Variants in AUTS2 observed in about 807,000 individuals in gnomAD.
The protein encoded by AUTS2 is activator of transcription and developmental regulator AUTS2.
In AUTS2, 17 loss-of-function variants were observed where a neutral mutation model predicts 112.4. The observed-to-expected ratio is 0.15, with a 90% CI of 0.10 to 0.23. The LOEUF (loss-of-function observed/expected upper bound fraction) is 0.23, where lower values mean the gene tolerates loss of function less well. Among genes scored for constraint, AUTS2 ranks in the 10% least tolerant of loss-of-function variants. The pLI is 1.00. For synonymous variants in AUTS2, 751 were observed against 702.7 expected (o/e 1.07, Z -1.09); for missense variants, 1,510 against 1,701.6 (o/e 0.89, Z 1.98).
At chr7:70,615,565 CTTGTTG>C (rs57037063) in intron 5 of AUTS2, among the ~76,000 whole-genome samples, 14,610 of 148,510 alleles carry the variant, frequency 0.098, 848 homozygotes, top group Middle Eastern at 0.2. Context: ...AGATTTATGG[CTTGTTG>C]TTGTTGTTGT....
intron 2 of AUTS2, among the ~76,000 whole-genome samples, chr7:70,094,639 A>G (rs1413014410): frequency 6.6e-6 from 1 of 152,186 alleles, no homozygotes; most frequent in East Asian, 1.9e-4. Flanking sequence ...GAATTTTATT[A>G]TGATCCATAA....
chr7:69,754,339 G>A (rs1413181822), intron 1 of AUTS2, among the ~76,000 whole-genome samples: 1 of 152,192 alleles, frequency 6.6e-6, no homozygotes, highest in Non-Finnish European at 1.5e-5. Flanking sequence ...GAGGTAGGAA[G>A]TAAAAGTTTC....
intron 5 of AUTS2, among the ~76,000 whole-genome samples, chr7:70,543,700 C>T (rs552021588): frequency 6.6e-6 from 1 of 152,266 alleles, no homozygotes; most frequent in South Asian, 2.1e-4. Flanking sequence ...TTCACAAGCT[C>T]AGGAGCCATG....
chr7:69,983,901 T>C (rs1437977546), intron 2 of AUTS2, among the ~76,000 whole-genome samples: 1 of 152,202 alleles, frequency 6.6e-6, no homozygotes, highest in African/African-American at 2.4e-5. Flanking sequence ...TATAAACCCT[T>C]ATAAAATACT....
At chr7:70,104,133 G>T (rs4718923) in intron 2 of AUTS2, among the ~76,000 whole-genome samples, 134,888 of 151,364 alleles carry the variant, frequency 0.89, 60,379 homozygotes, top group East Asian at 0.98. Flanking sequence ...AGGCTATTTT[G>T]GGCAATTTGA....
At chr7:69,643,851 A>T (rs753115077) in intron 1 of AUTS2, among the ~76,000 whole-genome samples, 1 of 152,172 alleles carries the variant, frequency 6.6e-6, no homozygotes, top group Non-Finnish European at 1.5e-5. Context: ...GGCTGAGGTG[A>T]GAAGATTGCT....
chr7:70,196,885 G>T (rs1433859937), intron 4 of AUTS2, among the ~76,000 whole-genome samples: 1 of 152,180 alleles, frequency 6.6e-6, no homozygotes, highest in Non-Finnish European at 1.5e-5. Context: ...TCAAGGTTCA[G>T]ATAATTGTTG....
At chr7:70,482,035 A>T (rs1239597751) in intron 5 of AUTS2, among the ~76,000 whole-genome samples, 1 of 152,192 alleles carries the variant, frequency 6.6e-6, no homozygotes, top group East Asian at 1.9e-4. Context: ...GGGAATATTT[A>T]TGAGGTTAAA....
intron 4 of AUTS2, among the ~76,000 whole-genome samples, chr7:70,159,158 G>T (rs146861164): frequency 2.0e-5 from 3 of 152,232 alleles, no homozygotes; most frequent in Non-Finnish European, 4.4e-5. Flanking sequence ...TTTTTTAAAG[G>T]CTCTTTCAAG....
At chr7:69,608,799 C>T (rs1583931173) in intron 1 of AUTS2, among the ~76,000 whole-genome samples, 1 of 152,270 alleles carries the variant, frequency 6.6e-6, no homozygotes, top group East Asian at 1.9e-4. Context: ...ATTATACTTT[C>T]ACTGGAGCAA....
intron 7 of AUTS2, among the ~76,000 whole-genome samples, chr7:70,763,621 C>G (rs1156664323): frequency 1.3e-5 from 2 of 152,084 alleles, no homozygotes; most frequent in Admixed American, 6.6e-5. Context: ...TTGGAAAGCC[C>G]TGGGCCAGGG....
chr7:70,440,534 G>A (rs1796083882), intron 5 of AUTS2, among the ~76,000 whole-genome samples: 1 of 152,170 alleles, frequency 6.6e-6, no homozygotes, highest in Admixed American at 6.5e-5. Context: ...CTTGAAAAAA[G>A]AGGAAGACTA....
At chr7:70,117,155 G>A (rs1468722188) in intron 2 of AUTS2, among the ~76,000 whole-genome samples, 4 of 117,236 alleles carry the variant, frequency 3.4e-5, no homozygotes, top group African/African-American at 1.4e-4. Flanking sequence ...TTTTGGTGTA[G>A]TACCATATCT....
chr7:69,948,142 G>A (rs1424900799), intron 2 of AUTS2, among the ~76,000 whole-genome samples: 1 of 152,160 alleles, frequency 6.6e-6, no homozygotes, highest in African/African-American at 2.4e-5. Flanking sequence ...GCTGTGCCCA[G>A]CGGTAGCCCA....
At chr7:69,722,260 T>TC (rs1257993266) in intron 1 of AUTS2, among the ~76,000 whole-genome samples, 1 of 152,176 alleles carries the variant, frequency 6.6e-6, no homozygotes, top group African/African-American at 2.4e-5. Context: ...TTCCTTTTTT[T>TC]CTCACAATAG....
intron 2 of AUTS2, among the ~76,000 whole-genome samples, chr7:69,935,608 A>G (rs1314480391): frequency 6.6e-6 from 1 of 152,164 alleles, no homozygotes; most frequent in African/African-American, 2.4e-5. Context: ...AAAGAGAGTA[A>G]GAAAGGAAGG....
chr7:69,832,939 A>G (rs1791564590), intron 1 of AUTS2, among the ~76,000 whole-genome samples: 1 of 152,180 alleles, frequency 6.6e-6, no homozygotes, highest in African/African-American at 2.4e-5. Flanking sequence ...CTGTGTTGTG[A>G]GATGTGTTGC....
chr7:69,880,848 A>G (rs1270724290), intron 1 of AUTS2, among the ~76,000 whole-genome samples: 1 of 152,150 alleles, frequency 6.6e-6, no homozygotes, highest in Non-Finnish European at 1.5e-5. Context: ...CCAGCATTTA[A>G]TTAAAGCCTG....
intron 4 of AUTS2, among the ~76,000 whole-genome samples, chr7:70,189,665 G>C (rs1226888371): frequency 3.9e-5 from 6 of 152,172 alleles, no homozygotes; most frequent in Non-Finnish European, 1.5e-5. Context: ...GAGACAATGA[G>C]AATATATGTA....
Sources: allele counts gnomAD v4.1 joint callset (sites outside exome capture counted in the v4.1 genomes callset), GRCh38; gene constraint gnomAD v4.1.1; transcripts MANE v1.5; gene names NCBI Gene and HGNC (gene_info 2026-07-23, HGNC 2026-07-21).